The following ME3 variants were observed in gnomAD, a reference collection of about 807,000 sequenced individuals.
ME3 encodes the protein NADP-dependent malic enzyme, mitochondrial.
Under a neutral mutation model 68.9 loss-of-function variants are expected in ME3, and 48 were observed. The observed-to-expected ratio is 0.70, with a 90% CI of 0.55 to 0.89. The LOEUF is 0.89. ME3 is among the 40% of genes least tolerant of loss of function. The pLI is 0.00. For synonymous variants in ME3, 320 were observed against 318.8 expected (o/e 1.00, Z -0.04); for missense variants, 675 against 797.4 (o/e 0.85, Z 1.85).
chr11:86,554,228 C>T (rs1956824322), intron 4 of ME3, among the ~76,000 whole-genome samples: 1 of 152,112 alleles, frequency 6.6e-6, no homozygotes, highest in African/African-American at 2.4e-5. Context: ...TCCATAAGAG[C>T]ATATGGAGTG....
chr11:86,665,065 G>A (rs969396110), intron 2 of ME3, among the ~76,000 whole-genome samples: 4 of 152,170 alleles, frequency 2.6e-5, no homozygotes, highest in Non-Finnish European at 4.4e-5. Flanking sequence ...AGGGTGAAGG[G>A]AAGAGATGAG....
At chr11:86,615,094 AT>A (rs921039220) in intron 2 of ME3, among the ~76,000 whole-genome samples, 2 of 151,394 alleles carry the variant, frequency 1.3e-5, no homozygotes, top group African/African-American at 2.4e-5. Context: ...CCTTTTGGAC[AT>A]TTTTTTTTAC....
In ME3 at chr11:86,652,780, A is replaced by G. The variant is rs1027134734; in HGVS notation, c.183+18982T>C. 8.5e-5 allele frequency among the ~76,000 whole-genome samples: 13 copies of G among 152,340 alleles called. No individual in the cohort carries two copies. The South Asian group carries it at 1.0e-3, about 12-fold the overall frequency. On this transcript the variant is annotated intron_variant, in intron 2 of 14. Transcript: ENST00000543262. ...AAATGTAAATGGGCTAAATGCTCCA[A>G]TTGAAAGACACAGACTGGCAAATTG...
chr11:86,642,745 C>CTCACATAT (rs1287807780), intron 2 of ME3, among the ~76,000 whole-genome samples: 1 of 152,164 alleles, frequency 6.6e-6, no homozygotes, highest in Non-Finnish European at 1.5e-5. Context: ...CATGTAATTC[C>CTCACATAT]TCACATATTC....
intron 11 of ME3, among the ~76,000 whole-genome samples, 169 bp from the exon 12 acceptor site, chr11:86,447,376 G>A (rs1174761774): frequency 2.6e-5 from 4 of 152,164 alleles, no homozygotes; most frequent in African/African-American, 9.7e-5. Context: ...TCCTGCTTGA[G>A]CTGCCTGAGA....
chr11:86,645,163 G>C (rs566594145), intron 2 of ME3, among the ~76,000 whole-genome samples: 25 of 152,288 alleles, frequency 1.6e-4, no homozygotes, highest in African/African-American at 6.0e-4. Context: ...ACTAGCTGCA[G>C]GAGTATTTTT....
chr11:86,524,409 C>T (rs1954572460), intron 4 of ME3, among the ~76,000 whole-genome samples: 1 of 152,236 alleles, frequency 6.6e-6, no homozygotes, highest in South Asian at 2.1e-4. Context: ...AGTAGTCACA[C>T]ATTTTTTTCC....
At chr11:86,464,905 C>T (rs903637878) in intron 8 of ME3, among the ~76,000 whole-genome samples, 186 bp downstream of exon 8, 7 of 152,220 alleles carry the variant, frequency 4.6e-5, no homozygotes, top group African/African-American at 1.7e-4. Context: ...GAAAAGGAAA[C>T]TGAATTCAGA....
At chr11:86,559,656 G>A (rs138973181) in intron 3 of ME3, 34 bp downstream of exon 3, 10 of 1,592,314 alleles carry the variant, frequency 6.3e-6, no homozygotes, top group African/African-American at 1.3e-5. Context: ...TCAGCCCAAG[G>A]ACCAGACAGA....
At chr11:86,484,987 C>A (rs1951605909) in intron 7 of ME3, among the ~76,000 whole-genome samples, 1 of 152,196 alleles carries the variant, frequency 6.6e-6, no homozygotes, top group Non-Finnish European at 1.5e-5. Context: ...TAAAGAACAT[C>A]TGATGCTTGA....
At chr11:86,516,917 T>C (rs542086832) in intron 4 of ME3, among the ~76,000 whole-genome samples, 1 of 152,296 alleles carries the variant, frequency 6.6e-6, no homozygotes, top group East Asian at 1.9e-4. Context: ...GGGGCATGGC[T>C]TCTGCTGCAT....
chr11:86,465,285 A>C, intron 7 of ME3, 85 bp from the exon 8 acceptor site: 1 of 725,614 alleles, frequency 1.4e-6, no homozygotes, highest in Non-Finnish European at 2.3e-6. Context: ...TGGGGTGGGG[A>C]GGTGCAGGCC....
chr11:86,537,531 G>A (rs999844531), intron 4 of ME3, among the ~76,000 whole-genome samples: 1 of 151,986 alleles, frequency 6.6e-6, no homozygotes, highest in Non-Finnish European at 1.5e-5. Context: ...TTTCCCCTTG[G>A]CCTTGATTTG....
chr11:86,489,906 C>T (rs75879970), intron 6 of ME3, among the ~76,000 whole-genome samples: 8,319 of 152,186 alleles, frequency 0.055, 313 homozygotes, highest in Non-Finnish European at 0.084. Context: ...TCGTTTCCCC[C>T]ATTTTTTAAA....
intron 2 of ME3, among the ~76,000 whole-genome samples, chr11:86,583,998 CA>C (rs1300882327): frequency 6.6e-6 from 1 of 152,058 alleles, no homozygotes; most frequent in Non-Finnish European, 1.5e-5. Flanking sequence ...CTCTGCACAG[CA>C]AAGAAAACAA....
chr11:86,597,510 C>T (rs1035795909), intron 2 of ME3, among the ~76,000 whole-genome samples: 1 of 152,238 alleles, frequency 6.6e-6, no homozygotes, highest in East Asian at 1.9e-4. Context: ...TCTTTGGGAA[C>T]AAGCCTGTTG....
chr11:86,654,431 C>G lies in ME3; in HGVS notation c.183+17331G>C, dbSNP rs139787503. 8.8e-3 allele frequency among the ~76,000 whole-genome samples: 1,343 copies of G among 152,210 alleles called. 27 individuals are homozygous for G. Among genetic ancestry groups the G allele is most frequent in the African/African-American group, 0.03 (1,251 of 41,538 alleles). ...GTGGGCTTCACCCCTGGGATGCAAG[C>G]CTGGTTCAACATATGCAAATCAATA... is the stretch of plus-strand genomic sequence containing the variant. On this transcript the variant is annotated intron_variant, in intron 2 of 14. Transcript: ENST00000543262.
rs187730511 is a variant in ME3 at position 86,593,750 on chromosome 11, A to G, written c.184-33927T>C. Among the ~76,000 whole-genome samples, 16 of 146,832 alleles carry G rather than the reference A, an allele frequency of 1.1e-4. 2 individuals are homozygous for G. Among genetic ancestry groups the G allele is most frequent in the African/African-American group, 4.0e-4 (16 of 39,974 alleles). On this transcript the variant is annotated intron_variant, in intron 2 of 14. Transcript: ENST00000543262. ...CAAACTTGAGATCATACTATGTATA[A>G]AATTTTTTAGTCTTTTTTCCCCACT...
At position 86,556,708 on chromosome 11, in the gene ME3, A is replaced by G. The variant is rs552788709; in HGVS notation, c.318-6T>C. 6.2e-7 allele frequency: 1 copy of G among 1,613,560 alleles called. No individual in the cohort carries two copies. The highest frequency in any genetic ancestry group is 1.3e-5 in the African/African-American group (1 of 75,028). On this transcript the variant is annotated splice_region_variant and splice_polypyrimidine_tract_variant and intron_variant, in intron 3 of 14. Transcript: ENST00000543262. ...GTGTCATGAGAATGATGTACCTTGT[A>G]AAAGGAGAGAAAAAGCAAGCTGACA...
Sources: gnomAD v4.1 joint callset for allele counts (sites outside exome capture counted in the v4.1 genomes callset) on GRCh38, gnomAD v4.1.1 for gene constraint, MANE v1.5 for transcripts, NCBI Gene and HGNC (gene_info 2026-07-23, HGNC 2026-07-21) for gene names.